GPM6A: variants seen among roughly 807,000 people sequenced by gnomAD.
GPM6A encodes the protein glycoprotein M6A.
In GPM6A, 7 loss-of-function variants were observed where a neutral mutation model predicts 32.1. The observed-to-expected ratio is 0.22, with a 90% CI of 0.12 to 0.41. GPM6A has a LOEUF of 0.41. Ranked by LOEUF, GPM6A falls within the 10% of genes least tolerant of loss-of-function variation. The pLI is 1.00. For synonymous variants in GPM6A, 130 were observed against 123.4 expected (o/e 1.05, Z -0.35); for missense variants, 235 against 347.2 (o/e 0.68, Z 2.57).
intron 1 of GPM6A, chr4:175,806,150 T>A (rs1734687165): frequency 6.6e-6 from 1 of 151,952 alleles, no homozygotes; most frequent in Non-Finnish European, 1.5e-5. Context: ...TGGGGAGGGG[T>A]TTTTGCTTGG....
At chr4:175,979,640 C>T (rs1191836181) in intron 1 of GPM6A, among the ~76,000 whole-genome samples, 1 of 152,022 alleles carries the variant, frequency 6.6e-6, no homozygotes, top group Non-Finnish European at 1.5e-5. Flanking sequence ...ATGGAGAGCT[C>T]CTGAGTTTCT....
intron 1 of GPM6A, among the ~76,000 whole-genome samples, chr4:175,750,319 A>G (rs1024876921): frequency 1.3e-5 from 2 of 152,104 alleles, no homozygotes; most frequent in African/African-American, 4.8e-5. Context: ...TGGCCTCTTA[A>G]AGAGTTGGGA....
At chr4:175,855,161 A>G (rs921645120) in intron 1 of GPM6A, among the ~76,000 whole-genome samples, 2 of 152,164 alleles carry the variant, frequency 1.3e-5, no homozygotes, top group Non-Finnish European at 2.9e-5. Flanking sequence ...CTAGCAGGCA[A>G]TCAAAAATTA....
At chr4:175,801,568 T>G (rs992747069) in intron 1 of GPM6A, among the ~76,000 whole-genome samples, 2 of 152,094 alleles carry the variant, frequency 1.3e-5, no homozygotes, top group Admixed American at 6.5e-5. Context: ...TCCAGGAATT[T>G]GTTAGAGATG....
intron 4 of GPM6A, among the ~76,000 whole-genome samples, chr4:175,647,878 C>T (rs1741554713): frequency 6.6e-6 from 1 of 151,990 alleles, no homozygotes; most frequent in African/African-American, 2.4e-5. Context: ...CAAATAAATG[C>T]TATACAGCAA....
At chr4:175,650,408 A>T (rs2110915703) in intron 4 of GPM6A, among the ~76,000 whole-genome samples, 1 of 151,924 alleles carries the variant, frequency 6.6e-6, no homozygotes, top group East Asian at 1.9e-4. Flanking sequence ...GGGTTCAAGA[A>T]ATTCTCCTGC....
At chr4:175,664,900 A>T (rs1742649497) in intron 3 of GPM6A, among the ~76,000 whole-genome samples, 1 of 152,226 alleles carries the variant, frequency 6.6e-6, no homozygotes, top group South Asian at 2.1e-4. Flanking sequence ...GTAGCCTACT[A>T]CAAACCTATG....
chr4:175,894,259 GAA>G (rs1316523284), intron 1 of GPM6A, among the ~76,000 whole-genome samples: 2 of 152,036 alleles, frequency 1.3e-5, no homozygotes, highest in Non-Finnish European at 2.9e-5. Flanking sequence ...GAAAAAAAAG[GAA>G]AAGTGATAGA....
At chr4:175,637,609 TA>T (rs1740808425) in intron 6 of GPM6A, among the ~76,000 whole-genome samples, 1 of 53,778 alleles carries the variant, frequency 1.9e-5, no homozygotes, top group African/African-American at 6.0e-5. Context: ...GTAAAATATA[TA>T]ATATATAATA....
At chr4:175,648,239 C>CA (rs1380213221) in intron 4 of GPM6A, among the ~76,000 whole-genome samples, 1 of 152,008 alleles carries the variant, frequency 6.6e-6, no homozygotes, top group Non-Finnish European at 1.5e-5. Context: ...ATGTATTTCA[C>CA]ACAAAGAAAT....
intron 1 of GPM6A, among the ~76,000 whole-genome samples, chr4:175,986,792 T>C (rs375935026): frequency 1.3e-5 from 2 of 152,300 alleles, no homozygotes; most frequent in East Asian, 1.9e-4. Context: ...ATCTAACATG[T>C]CATGCAAGAG....
intron 1 of GPM6A, among the ~76,000 whole-genome samples, chr4:175,957,039 G>T (rs1740009407): frequency 6.6e-6 from 1 of 151,984 alleles, no homozygotes; most frequent in African/African-American, 2.4e-5. Context: ...TAAGCGTAGG[G>T]AAAAAGACAG....
intron 1 of GPM6A, among the ~76,000 whole-genome samples, chr4:175,799,523 A>C (rs1461492845): frequency 6.6e-6 from 1 of 152,124 alleles, no homozygotes; most frequent in Non-Finnish European, 1.5e-5. Flanking sequence ...TTAGTGCAAG[A>C]AAGTGAAAGC....
chr4:175,812,307 T>TTTTTTTG (rs1734959511), upstream of GPM6A: 6 of 1,068,552 alleles, frequency 5.6e-6, no homozygotes, highest in Middle Eastern at 3.3e-4. Flanking sequence ...GGGGGTTTTT[T>TTTTTTTG]TTTTTTTTTT....
chr4:175,659,186 G>A (rs573927567), intron 3 of GPM6A, among the ~76,000 whole-genome samples: 13 of 150,704 alleles, frequency 8.6e-5, no homozygotes, highest in African/African-American at 2.7e-4. Flanking sequence ...GGGTTCAAGC[G>A]ACTCTCTTGC....
At chr4:175,646,255 T>C (rs531743620) in intron 4 of GPM6A, among the ~76,000 whole-genome samples, 1 of 152,334 alleles carries the variant, frequency 6.6e-6, no homozygotes, top group East Asian at 1.9e-4. Context: ...ACCAAATGAA[T>C]TATTGAATTA....
chr4:175,976,267 A>G lies in GPM6A; in HGVS notation c.-23+26042T>C, dbSNP rs1341897330. ...AAGCTCCGCCTCCCAAGTTCACGCCATTCTCCTGTCTCAGCCTCCCAAGTA... is the reference window on the plus strand; with the variant it reads ...AAGCTCCGCCTCCCAAGTTCACGCCGTTCTCCTGTCTCAGCCTCCCAAGTA... On this transcript the variant is annotated intron_variant, in intron 1 of 7. Transcript: ENST00000280187. Among the ~76,000 whole-genome samples the G allele has an allele frequency of 2.1e-5, 3 of 145,470 alleles. No individual in the cohort carries two copies. The East Asian group carries it at 6.2e-4, about 30-fold the overall frequency.
intron 1 of GPM6A, among the ~76,000 whole-genome samples, chr4:175,745,883 G>C (rs1301173920): frequency 6.6e-6 from 1 of 152,118 alleles, no homozygotes; most frequent in Non-Finnish European, 1.5e-5. Context: ...TATTTATTCA[G>C]AGTGGCATAG....
intron 1 of GPM6A, among the ~76,000 whole-genome samples, chr4:175,743,969 A>C (rs1553984596): frequency 6.8e-6 from 1 of 146,316 alleles, no homozygotes. Context: ...CAAAAAAAAA[A>C]AAACAAAAGG....
Sources: allele counts gnomAD v4.1 joint callset (sites outside exome capture counted in the v4.1 genomes callset), GRCh38; gene constraint gnomAD v4.1.1; transcripts MANE v1.5; gene names NCBI Gene and HGNC (gene_info 2026-07-23, HGNC 2026-07-21).